Variants in LAMA1 observed in about 807,000 individuals in gnomAD.
The protein encoded by LAMA1 is laminin subunit alpha-1.
Under a neutral mutation model 348.7 loss-of-function variants are expected in LAMA1, and 219 were observed. The ratio of observed to expected loss-of-function variants is 0.63; its 90% CI spans 0.56 to 0.70. The LOEUF (loss-of-function observed/expected upper bound fraction) is 0.70, where lower values mean the gene tolerates loss of function less well. LAMA1 is among the 30% of genes least tolerant of loss of function. The pLI is 0.00. For synonymous variants in LAMA1, 1,487 were observed against 1,491.0 expected (o/e 1.00, Z 0.06); for missense variants, 3,744 against 3,888.0 (o/e 0.96, Z 0.99).
At chr18:6,966,975 A>C (rs1284677856) in intron 48 of LAMA1, among the ~76,000 whole-genome samples, 1 of 152,244 alleles carries the variant, frequency 6.6e-6, no homozygotes, top group African/African-American at 2.4e-5. Context: ...GGAACAGATC[A>C]TAATTATGTT....
chr18:6,995,309 G>A, intron 34 of LAMA1, 48 bp downstream of exon 34: 4 of 1,300,774 alleles, frequency 3.1e-6, no homozygotes, highest in Non-Finnish European at 1.1e-6. Context: ...CAGGAGGGCT[G>A]ATGGGAGGGA....
intron 1 of LAMA1, among the ~76,000 whole-genome samples, chr18:7,091,259 T>A (rs548937706): frequency 6.6e-6 from 1 of 152,348 alleles, no homozygotes; most frequent in Non-Finnish European, 1.5e-5. Context: ...CACCACAATA[T>A]GCAACACATT....
In LAMA1 at chr18:7,083,118, T is replaced by C. The variant is rs151133074; in HGVS notation, c.62-2661A>G. 7.2e-3 allele frequency among the ~76,000 whole-genome samples: 1,101 copies of C among 152,168 alleles called. 13 individuals carry two copies. Among genetic ancestry groups the C allele is most frequent in the African/African-American group, 0.025 (1,042 of 41,538 alleles). On this transcript the variant is annotated intron_variant, in intron 1 of 62. Coordinates refer to ENST00000389658, the MANE Select transcript of LAMA1 (RefSeq NM_005559.4). ...TTTTTGGAGAATAATATCTCAGTTA[T>C]AGTAATCAGCATCAGGTAGTTCTTT...
intron 3 of LAMA1, 92 bp from the exon 4 acceptor site, chr18:7,051,028 A>C: frequency 2.0e-6 from 3 of 1,502,596 alleles, no homozygotes; most frequent in Non-Finnish European, 1.8e-6. Context: ...TAAAGGTAGA[A>C]TCTAAGATAG....
chr18:7,031,879 CA>C (rs141608614), intron 16 of LAMA1, among the ~76,000 whole-genome samples, 186 bp downstream of exon 16: 7 of 89,652 alleles, frequency 7.8e-5, no homozygotes, highest in Non-Finnish European at 1.5e-4. Flanking sequence ...TAACTTTTTT[CA>C]AAAAAAAAAC....
At chr18:7,022,343 G>A (rs927229340) in intron 19 of LAMA1, among the ~76,000 whole-genome samples, 1 of 152,204 alleles carries the variant, frequency 6.6e-6, no homozygotes, top group Non-Finnish European at 1.5e-5. Flanking sequence ...TAGAAATGCT[G>A]TTATCATAAT....
In LAMA1 at chr18:7,050,892, A is replaced by AG. The variant is rs1177129890; in HGVS notation, c.389dup (p.Arg131SerfsTer47). 2 of 1,614,174 alleles carry AG rather than the reference A, an allele frequency of 1.2e-6. No homozygotes were observed. Among genetic ancestry groups the AG allele is most frequent in the East Asian group, 4.5e-5 (2 of 44,880 alleles). ...GCTCCAAAATCCAGTTTCCAGGTCG[A>AG]GGGGCATTGGCAGCTTTAATGATGA... On this transcript the variant is annotated frameshift_variant, in exon 4 of 63. Transcript: ENST00000389658. LOFTEE classifies it high-confidence loss of function.
At chr18:7,078,151 TTTTTATTTTA>T (rs1318268827) in intron 3 of LAMA1, among the ~76,000 whole-genome samples, 3 of 150,278 alleles carry the variant, frequency 2.0e-5, no homozygotes, top group South Asian at 2.1e-4. Context: ...TTTTTTTTGT[TTTTTATTTTA>T]TTTTATTTTA....
intron 5 of LAMA1, among the ~76,000 whole-genome samples, chr18:7,048,290 C>T (rs1010713105): frequency 1.3e-5 from 2 of 152,104 alleles, no homozygotes; most frequent in Admixed American, 6.6e-5. Context: ...TCACAAAATG[C>T]CAATACACGC....
At chr18:6,987,780 A>G (rs924225810) in intron 36 of LAMA1, among the ~76,000 whole-genome samples, 8 of 152,202 alleles carry the variant, frequency 5.3e-5, no homozygotes, top group African/African-American at 1.9e-4. Context: ...TAACATCGGC[A>G]CTTATAATTT....
rs9951050 is a variant in LAMA1 at position 6,964,921 on chromosome 18, G to T, written c.7196-118C>A. ...AAATGCATATTCTTTTAGATTCTGCGAATTTGATCAGCTAATGTTCTTGGC... is the reference window on the plus strand; with the variant it reads ...AAATGCATATTCTTTTAGATTCTGCTAATTTGATCAGCTAATGTTCTTGGC... On this transcript the variant is annotated intron_variant, in intron 50 of 62. Transcript: ENST00000389658. 9,868 of 1,157,392 alleles carry T rather than the reference G, an allele frequency of 8.5e-3. 455 individuals carry two copies. The African/African-American group carries it at 0.11, about 13-fold the overall frequency. The allele number at this position is 1,157,392 out of a possible 1,614,324, so 71.7% of individuals were successfully genotyped here.
intron 62 of LAMA1, 131 bp downstream of exon 62, chr18:6,943,049 T>C: frequency 1.3e-6 from 1 of 775,870 alleles, no homozygotes; most frequent in Admixed American, 2.1e-5. Flanking sequence ...GAAATAGCCT[T>C]TCTAAAATGG....
At chr18:6,971,498 C>T (rs72887129) in intron 48 of LAMA1, among the ~76,000 whole-genome samples, 2,569 of 152,050 alleles carry the variant, frequency 0.017, 27 homozygotes, top group Non-Finnish European at 0.025. Context: ...TTGTCTGAAA[C>T]GTTTAGGGTT....
At position 6,983,345 on chromosome 18, in the gene LAMA1, C is replaced by G. The variant is rs1600371347; in HGVS notation, c.5661-111G>C. On this transcript the variant is annotated intron_variant, in intron 39 of 62. Coordinates refer to ENST00000389658, the MANE Select transcript of LAMA1 (RefSeq NM_005559.4). ...TTTTGAAAGCCTCCTATCTTCTTTC[C>G]CCTTAGAAGAGTATCATCCATAAAA... 7 of 1,080,818 alleles carry G rather than the reference C, an allele frequency of 6.5e-6. 2 individuals carry two copies. The Admixed American group carries it at 1.3e-4, about 21-fold the overall frequency. 67.0% of individuals were successfully genotyped at this position (1,080,818 alleles called of 1,614,324 possible). A position where few individuals can be genotyped will look rare whatever the true frequency, so the allele number is the denominator to read the frequency against.
intron 52 of LAMA1, 32 bp from the exon 53 acceptor site, chr18:6,961,791 A>T: frequency 6.2e-7 from 1 of 1,612,838 alleles, no homozygotes; most frequent in Non-Finnish European, 8.5e-7. Context: ...CAGCATGGTG[A>T]GTTCCTAGCT....
At chr18:7,046,488 A>T (rs2144193643) in intron 5 of LAMA1, 121 bp from the exon 6 acceptor site, 1 of 611,560 alleles carries the variant, frequency 1.6e-6, no homozygotes, top group East Asian at 3.0e-5. Context: ...CTAAAATATA[A>T]TTACATGTAC....
At chr18:7,090,582 AT>A (rs1180723179) in intron 1 of LAMA1, among the ~76,000 whole-genome samples, 2 of 152,186 alleles carry the variant, frequency 1.3e-5, no homozygotes, top group African/African-American at 4.8e-5. Flanking sequence ...TATTCTAGCG[AT>A]TCCACCAGGC....
chr18:6,948,336 G>C, intron 60 of LAMA1, 67 bp downstream of exon 60: 1 of 1,597,480 alleles, frequency 6.3e-7, no homozygotes, highest in Non-Finnish European at 8.6e-7. Flanking sequence ...TTATACTCTT[G>C]GATCCACATC....
chr18:6,950,647 T>C, intron 58 of LAMA1, 135 bp downstream of exon 58: 1 of 1,016,068 alleles, frequency 9.8e-7, no homozygotes, highest in Non-Finnish European at 1.5e-6. Context: ...ACTTGTAGTC[T>C]CTGGGGGAGA....
Sources: gnomAD v4.1 joint callset for allele counts (sites outside exome capture counted in the v4.1 genomes callset) on GRCh38, gnomAD v4.1.1 for gene constraint, MANE v1.5 for transcripts, NCBI Gene and HGNC (gene_info 2026-07-23, HGNC 2026-07-21) for gene names.